LIPH: variants seen among roughly 807,000 people sequenced by gnomAD.
LIPH encodes the protein lipase H.
In LIPH, 32 loss-of-function variants were observed where a neutral mutation model predicts 47.6. The observed-to-expected ratio is 0.67, with a 90% CI of 0.51 to 0.90. The LOEUF is 0.90. Ranked by LOEUF, LIPH falls within the 40% of genes least tolerant of loss-of-function variation. LIPH has a pLI of 0.00. For missense variants in LIPH, 497 were observed against 541.4 expected (o/e 0.92, Z 0.81); for synonymous variants, 190 against 195.6 (o/e 0.97, Z 0.24).
intron 3 of LIPH, among the ~76,000 whole-genome samples, chr3:185,531,274 C>T (rs1336526727): frequency 2.0e-5 from 3 of 152,042 alleles, no homozygotes; most frequent in South Asian, 2.1e-4. Flanking sequence ...AGTTCAGGTG[C>T]GGTGGCTCAT....
intron 1 of LIPH, among the ~76,000 whole-genome samples, chr3:185,543,462 A>G (rs1342648475): frequency 1.3e-5 from 2 of 152,224 alleles, no homozygotes; most frequent in Non-Finnish European, 2.9e-5. Context: ...ACTGACAAAA[A>G]TATTGTGACC....
At chr3:185,515,297 T>C (rs530624481) in intron 7 of LIPH, among the ~76,000 whole-genome samples, 23 of 149,986 alleles carry the variant, frequency 1.5e-4, no homozygotes, top group African/African-American at 5.5e-4. Flanking sequence ...TAATGTCTTA[T>C]GGGTTTTTTT....
intron 1 of LIPH, among the ~76,000 whole-genome samples, chr3:185,538,466 T>G (rs1351829686): frequency 2.6e-5 from 4 of 152,110 alleles, no homozygotes; most frequent in Non-Finnish European, 5.9e-5. Context: ...GAATCTTCTT[T>G]CTCTTGCATC....
rs1265005542 is a variant in LIPH, at chr3:185,514,471, C to T, written c.1033G>A (p.Gly345Arg). ...IITWNKNVRR[G>R]DITIKLRDKA... ...TCTCTCAATTTGATGGTAATGTCCC[C>T]TCTTCTTACATTCTTGTTCCATGTT... is the stretch of plus-strand genomic sequence containing the variant. Residue 345 changes from glycine (G) to arginine (R), a missense_variant, in exon 8 of 10, where the codon GGG (glycine) becomes AGG (arginine). By Grantham distance (125) the Gly-to-Arg change is moderately radical. Transcript: ENST00000296252. 1.3e-6 allele frequency: 2 copies of T among 1,582,820 alleles called. No homozygotes were observed. Among genetic ancestry groups the T allele is most frequent in the South Asian group, 1.1e-5 (1 of 90,464 alleles).
At chr3:185,543,558 G>C (rs1206651504) in intron 1 of LIPH, among the ~76,000 whole-genome samples, 1 of 152,088 alleles carries the variant, frequency 6.6e-6, no homozygotes, top group Admixed American at 6.6e-5. Flanking sequence ...CCACTTAATG[G>C]GACATAACTA....
At chr3:185,536,358 A>G (rs1720502535) in intron 1 of LIPH, among the ~76,000 whole-genome samples, 1 of 152,176 alleles carries the variant, frequency 6.6e-6, no homozygotes, top group African/African-American at 2.4e-5. Context: ...ACAAGAGCAG[A>G]AAGGGAAGGC....
At chr3:185,544,967 A>G (rs1325848930) in intron 1 of LIPH, among the ~76,000 whole-genome samples, 1 of 140,148 alleles carries the variant, frequency 7.1e-6, no homozygotes, top group African/African-American at 2.6e-5. Flanking sequence ...GTATTTCTAA[A>G]GGCATCAGAT....
chr3:185,521,726 G>A (rs1027084913), intron 5 of LIPH, among the ~76,000 whole-genome samples: 1 of 152,180 alleles, frequency 6.6e-6, no homozygotes, highest in Non-Finnish European at 1.5e-5. Flanking sequence ...TTCTGGACTA[G>A]TGCTGGTTTA....
At chr3:185,529,969 A>AGAAAGAAG (rs1391760673) in intron 3 of LIPH, among the ~76,000 whole-genome samples, 2 of 57,546 alleles carry the variant, frequency 3.5e-5, no homozygotes, top group East Asian at 6.5e-4. Context: ...AAAGAAGGAA[A>AGAAAGAAG]GAAAGAAAGA....
rs143934844 is a variant in LIPH at position 185,539,019 on chromosome 3, G to A, written c.50-3887C>T. 8.2e-3 allele frequency among the ~76,000 whole-genome samples: 1,234 copies of A among 151,244 alleles called. 16 individuals carry two copies. Among genetic ancestry groups the A allele is most frequent in the African/African-American group, 0.028 (1,161 of 41,236 alleles). On this transcript the variant is annotated intron_variant, in intron 1 of 9. Coordinates refer to ENST00000296252, the MANE Select transcript of LIPH (RefSeq NM_139248.3). ...CAGAGTCTTGCTCTGTTGCCAGGCT[G>A]GAGTGCAGTGGTGTGATCTCGGCTC...
intron 5 of LIPH, among the ~76,000 whole-genome samples, chr3:185,522,114 A>G (rs995685053): frequency 6.6e-6 from 1 of 152,222 alleles, no homozygotes; most frequent in Non-Finnish European, 1.5e-5. Context: ...AAAAGGCTAA[A>G]GAAGATACCT....
intron 5 of LIPH, among the ~76,000 whole-genome samples, chr3:185,522,638 AAG>A (rs1372478690): frequency 7.4e-6 from 1 of 135,970 alleles, no homozygotes; most frequent in Admixed American, 7.6e-5. Context: ...AAGGAAAAGA[AAG>A]AGAGAAAGAA....
intron 1 of LIPH, among the ~76,000 whole-genome samples, chr3:185,552,064 T>C (rs1721063760): frequency 1.3e-5 from 2 of 151,996 alleles, no homozygotes; most frequent in South Asian, 4.1e-4. Context: ...AAATAAATCA[T>C]CTCATTTCAC....
intron 7 of LIPH, among the ~76,000 whole-genome samples, chr3:185,515,260 G>T (rs1051177955): frequency 1.3e-5 from 2 of 151,660 alleles, no homozygotes; most frequent in Non-Finnish European, 2.9e-5. Flanking sequence ...TGAATATGTG[G>T]GTACATCTAT....
chr3:185,529,978 G>GAA (rs796497732), intron 3 of LIPH, among the ~76,000 whole-genome samples: 6,375 of 98,046 alleles, frequency 0.065, 326 homozygotes, highest in Non-Finnish European at 0.073. Context: ...AAGAAAGAAA[G>GAA]AGAGAGAGAG....
intron 1 of LIPH, among the ~76,000 whole-genome samples, chr3:185,538,735 A>ATACATATATG (rs1352420965): frequency 1.2e-5 from 1 of 82,332 alleles, no homozygotes; most frequent in African/African-American, 3.9e-5. Context: ...GTACATATAT[A>ATACATATATG]TACATATATG....
At chr3:185,550,165 G>T (rs1190992968) in intron 1 of LIPH, among the ~76,000 whole-genome samples, 6 of 152,164 alleles carry the variant, frequency 3.9e-5, no homozygotes, top group African/African-American at 1.4e-4. Context: ...AGAAGTCCAT[G>T]TATTTGAGAT....
intron 4 of LIPH, among the ~76,000 whole-genome samples, chr3:185,526,577 AAATAAG>A (rs1720085007): frequency 4.0e-5 from 4 of 101,260 alleles, no homozygotes; most frequent in Non-Finnish European, 6.2e-5. Flanking sequence ...AATAAAATAA[AAATAAG>A]ATAAAATAAA....
chr3:185,512,487 CT>C lies in LIPH; in HGVS notation c.1095-791del, dbSNP rs549114120. Among the ~76,000 whole-genome samples, 960 of 130,942 alleles carry C rather than the reference CT, an allele frequency of 7.3e-3. 4 individuals are homozygous for C. The highest frequency in any genetic ancestry group is 0.02 in the East Asian group (90 of 4,562). The allele number at this position is 130,942 out of a possible 152,430, so 85.9% of individuals were successfully genotyped here. On this transcript the variant is annotated intron_variant, in intron 8 of 9. Coordinates refer to ENST00000296252, the MANE Select transcript of LIPH (RefSeq NM_139248.3). ...AGAAGGCTTGCTCTAGACATTAATCCTTTTTTTTTTTTTTTTTTTGAGATGG... is the reference window on the plus strand; with the variant it reads ...AGAAGGCTTGCTCTAGACATTAATCCTTTTTTTTTTTTTTTTTTGAGATGG...
Sources: gnomAD v4.1 joint callset for allele counts (sites outside exome capture counted in the v4.1 genomes callset) on GRCh38, gnomAD v4.1.1 for gene constraint, MANE v1.5 for transcripts, NCBI Gene and HGNC (gene_info 2026-07-23, HGNC 2026-07-21) for gene names.